The following EPM2AIP1 variants were observed in gnomAD, a reference collection of about 807,000 sequenced individuals.
EPM2AIP1 encodes EPM2A interacting protein 1, also known as EPM2A-interacting protein 1.
Under a neutral mutation model 44.8 loss-of-function variants are expected in EPM2AIP1, and 23 were observed. The ratio of observed to expected loss-of-function variants is 0.51; its 90% confidence interval spans 0.37 to 0.73. The LOEUF (loss-of-function observed/expected upper bound fraction) is 0.73. EPM2AIP1 is among the 30% of genes least tolerant of loss of function. The pLI, the probability that EPM2AIP1 is intolerant of heterozygous loss-of-function variation, is 0.00. For missense variants in EPM2AIP1, 652 were observed against 743.9 expected (o/e 0.88, Z 1.44); for synonymous variants, 311 against 284.3 (o/e 1.09, Z -0.94).
rs1198295072 is a variant in EPM2AIP1, at chr3:36,991,208, T to C, written c.*46A>G. 1 of 1,507,250 alleles carries C rather than the reference T, an allele frequency of 6.6e-7. No individual in the cohort carries two copies. Among genetic ancestry groups the C allele is most frequent in the Non-Finnish European group, 8.9e-7 (1 of 1,126,740 alleles). The allele number at this position is 1,507,250 out of a possible 1,614,324, so 93.4% of individuals were successfully genotyped here. A position where few individuals can be genotyped will look rare whatever the true frequency, so the allele number is the denominator to read the frequency against. ...GAAAACTCAAACCAATTTTTGCTTTTAGAATTAAATTCTTGTTGAGTTTTT... is the reference window on the plus strand; with the variant it reads ...GAAAACTCAAACCAATTTTTGCTTTCAGAATTAAATTCTTGTTGAGTTTTT... On this transcript the variant is annotated 3_prime_UTR_variant, in exon 1 of 1. Transcript: ENST00000322716.
rs2080768475 is a variant in EPM2AIP1 at position 36,986,235 on chromosome 3, A to G, written c.*5019T>C. ...CTGAAAGGCAGATCATCTACCCTTT[A>G]CTAAAGAAAAAGACAGAAAAACAAA... On this transcript the variant is annotated 3_prime_UTR_variant, in exon 1 of 1. Transcript: ENST00000322716. 1 of 152,232 alleles carries G rather than the reference A, an allele frequency of 6.6e-6. No homozygotes were observed. The highest frequency in any genetic ancestry group is 1.5e-5 in the Non-Finnish European group (1 of 68,046). 9.4% of individuals were successfully genotyped at this position (152,232 alleles called of 1,614,324 possible).
In EPM2AIP1 at chr3:36,992,518, T is replaced by C. The variant is rs759662609; in HGVS notation, c.560A>G (p.Tyr187Cys). Residue 187 changes from tyrosine to cysteine, a missense_variant, in exon 1 of 1, where the codon TAT becomes TGT. Physicochemically the swap from Tyr to Cys is radical, Grantham distance 194. Coordinates refer to ENST00000322716, the MANE Select transcript of EPM2AIP1 (RefSeq NM_014805.4). This position sits in a 1 kb window ranked among gnomAD's most constrained non-coding sequence, Gnocchi z 5.3. The stretch of plus-strand genomic sequence containing the variant: ...GATAAAGACCAGGAGGTAGTTCTCA[T>C]AGGCCACAAAAGCCTGGTCGTCCAA... ...LALDDQAFVA[Y>C]ENYLLVFIRG... The C allele has an allele frequency of 1.9e-5, 31 of 1,613,894 alleles. No individual in the cohort carries two copies. Among genetic ancestry groups the C allele is most frequent in the African/African-American group, 5.3e-5 (4 of 74,920 alleles).
chr3:36,991,489 G>T lies in EPM2AIP1; in HGVS notation c.1589C>A (p.Ala530Asp). 1 of 1,613,850 alleles carries T rather than the reference G, an allele frequency of 6.2e-7. No individual in the cohort carries two copies. ...TGGGTAGGATTCAGCAGACAATCCA[G>T]CATAAAACTGCCCCAAGTCTTTGAT... Reference protein sequence around the residue: ...YRIKDLGQFYAGLSAESYPII... With the variant: ...YRIKDLGQFYDGLSAESYPII... Residue 530 changes from alanine (A) to aspartate (D), a missense_variant, in exon 1 of 1, where the codon GCT becomes GAT. Ala to Asp is a moderately radical substitution (Grantham distance 126). Transcript: ENST00000322716.
rs562045547 is a variant in EPM2AIP1 at position 36,985,732 on chromosome 3, T to G, written c.*5522A>C. 2 of 152,220 alleles carry G rather than the reference T, an allele frequency of 1.3e-5. No individual in the cohort carries two copies. Among genetic ancestry groups the G allele is most frequent in the Non-Finnish European group, 2.9e-5 (2 of 68,044 alleles). 9.4% of individuals were successfully genotyped at this position (152,220 alleles called of 1,614,324 possible). A position where few individuals can be genotyped will look rare whatever the true frequency, so the allele number is the denominator to read the frequency against. On this transcript the variant is annotated 3_prime_UTR_variant, in exon 1 of 1. Coordinates refer to ENST00000322716, the MANE Select transcript of EPM2AIP1 (RefSeq NM_014805.4). ...AATGAAGGCAACTTAGAGCACAAAT[T>G]GGTGAACTTTCTCTGTAAAGGGCCA...
rs1169750009 is a variant in EPM2AIP1 at position 36,985,730 on chromosome 3, A to G, written c.*5524T>C. On this transcript the variant is annotated 3_prime_UTR_variant, in exon 1 of 1. Coordinates refer to ENST00000322716, the MANE Select transcript of EPM2AIP1 (RefSeq NM_014805.4). The stretch of plus-strand genomic sequence containing the variant: ...AGAATGAAGGCAACTTAGAGCACAA[A>G]TTGGTGAACTTTCTCTGTAAAGGGC... The G allele has an allele frequency of 1.3e-5, 2 of 152,222 alleles. No individual in the cohort carries two copies. Among genetic ancestry groups the G allele is most frequent in the Non-Finnish European group, 2.9e-5 (2 of 68,032 alleles). The allele number at this position is 152,222 out of a possible 1,614,324, so 9.4% of individuals were successfully genotyped here.
rs1317649211 is a variant in EPM2AIP1, at chr3:36,991,010, A to G, written c.*244T>C. On this transcript the variant is annotated 3_prime_UTR_variant, in exon 1 of 1. Coordinates refer to ENST00000322716, the MANE Select transcript of EPM2AIP1 (RefSeq NM_014805.4). Reference sequence around the variant, plus strand: ...AAATCTCTTTAAAATTAACTATATCATAAAAGACAATGACTTTGTCACTAA... The same window carrying G: ...AAATCTCTTTAAAATTAACTATATCGTAAAAGACAATGACTTTGTCACTAA... 8.4e-7 allele frequency: 1 copy of G among 1,192,478 alleles called. No homozygotes were observed. Among genetic ancestry groups the G allele is most frequent in the Non-Finnish European group, 1.0e-6 (1 of 960,426 alleles). 73.9% of individuals were successfully genotyped at this position (1,192,478 alleles called of 1,614,324 possible). A position where few individuals can be genotyped will look rare whatever the true frequency, so the allele number is the denominator to read the frequency against.
rs11294180 is a variant in EPM2AIP1, at chr3:36,986,781, C to CAAAAAAAAAAAAAAAAAAAAAAAAAAA, written c.*4472_*4473insTTTTTTTTTTTTTTTTTTTTTTTTTTT. 1 of 75,584 alleles carries CAAAAAAAAAAAAAAAAAAAAAAAAAAA rather than the reference C, an allele frequency of 1.3e-5. No homozygotes were observed. The highest frequency in any genetic ancestry group is 2.5e-5 in the Non-Finnish European group (1 of 39,590). The allele number at this position is 75,584 out of a possible 1,614,324, so 4.7% of individuals were successfully genotyped here. On this transcript the variant is annotated 3_prime_UTR_variant, in exon 1 of 1. Coordinates refer to ENST00000322716, the MANE Select transcript of EPM2AIP1 (RefSeq NM_014805.4). The stretch of plus-strand genomic sequence containing the variant: ...TGGGTGACAAAGTGAGACCCCGCCT[C>CAAAAAAAAAAAAAAAAAAAAAAAAAAA]AAAAAAAAAAAAAAAAAAAAAAGCC...
rs937900771 is a variant in EPM2AIP1 at position 36,987,702 on chromosome 3, T to G, written c.*3552A>C. The G allele has an allele frequency of 4.6e-5, 7 of 152,134 alleles. No individual in the cohort carries two copies. The highest frequency in any genetic ancestry group is 1.7e-4 in the African/African-American group (7 of 41,422). The allele number at this position is 152,134 out of a possible 1,614,324, so 9.4% of individuals were successfully genotyped here. A position where few individuals can be genotyped will look rare whatever the true frequency, so the allele number is the denominator to read the frequency against. ...TCACATGCTAAGCACTACACTAAAT[T>G]CTGAGAATACAACGAGGTCCCTAGT... is the stretch of plus-strand genomic sequence containing the variant. On this transcript the variant is annotated 3_prime_UTR_variant, in exon 1 of 1. Transcript: ENST00000322716.
rs1343623400 is a variant in EPM2AIP1, at chr3:36,989,020, G to A, written c.*2234C>T. ...TTTTTTTTTTTTACAAACAAGACTA[G>A]CTTATAGCAAATTCTCTATAGCTAA... On this transcript the variant is annotated 3_prime_UTR_variant, in exon 1 of 1. Coordinates refer to ENST00000322716, the MANE Select transcript of EPM2AIP1 (RefSeq NM_014805.4). 7.7e-6 allele frequency: 1 copy of A among 130,486 alleles called. No individual in the cohort carries two copies. Among genetic ancestry groups the A allele is most frequent in the Non-Finnish European group, 1.6e-5 (1 of 63,256 alleles). 8.1% of individuals were successfully genotyped at this position (130,486 alleles called of 1,614,324 possible).
In EPM2AIP1 at chr3:36,991,027, T is replaced by C; in HGVS notation, c.*227A>G. The C allele has an allele frequency of 1.6e-6, 2 of 1,229,954 alleles. No homozygotes were observed. The highest frequency in any genetic ancestry group is 3.8e-5 in the Admixed American group (1 of 26,078). 76.2% of individuals were successfully genotyped at this position (1,229,954 alleles called of 1,614,324 possible). A position where few individuals can be genotyped will look rare whatever the true frequency, so the allele number is the denominator to read the frequency against. ...ACTATATCATAAAAGACAATGACTT[T>C]GTCACTAAACTAAGTTTTAAAAAAG... On this transcript the variant is annotated 3_prime_UTR_variant, in exon 1 of 1. Coordinates refer to ENST00000322716, the MANE Select transcript of EPM2AIP1 (RefSeq NM_014805.4).
In EPM2AIP1 at chr3:36,990,608, T is replaced by C. The variant is rs958178224; in HGVS notation, c.*646A>G. 8 of 985,374 alleles carry C rather than the reference T, an allele frequency of 8.1e-6. No individual in the cohort carries two copies. Among genetic ancestry groups the C allele is most frequent in the Non-Finnish European group, 9.6e-6 (8 of 829,628 alleles). 61.0% of individuals were successfully genotyped at this position (985,374 alleles called of 1,614,324 possible). ...TCTCCAAATTGCATGAAGTCTCCTATATCTGAAACTTAAAAATGATTCTAA... is the reference window on the plus strand; with the variant it reads ...TCTCCAAATTGCATGAAGTCTCCTACATCTGAAACTTAAAAATGATTCTAA... On this transcript the variant is annotated 3_prime_UTR_variant, in exon 1 of 1. Transcript: ENST00000322716.
chr3:36,992,214 G>C lies in EPM2AIP1; in HGVS notation c.864C>G (p.Ser288Arg). The change falls in exon 1 of 1, where the codon AGC becomes AGG. Residue 288 changes from serine (S) to arginine (R), a missense_variant. Physicochemically the swap from Ser to Arg is moderately radical, Grantham distance 110. Coordinates refer to ENST00000322716, the MANE Select transcript of EPM2AIP1 (RefSeq NM_014805.4). The surrounding 1 kb of genome is among the most constrained non-coding windows in gnomAD (Gnocchi z 5.3). ...YSGFLHLELL[S>R]SYDVDVNQII... Reference sequence around the variant, plus strand: ...TCTGATTAACATCTACATCATAGGAGCTCAACAGTTCCAAGTGAAGAAATC... The same window carrying C: ...TCTGATTAACATCTACATCATAGGACCTCAACAGTTCCAAGTGAAGAAATC... 6.2e-7 allele frequency: 1 copy of C among 1,613,968 alleles called. No homozygotes were observed.
rs1394256996 is a variant in EPM2AIP1 at position 36,990,328 on chromosome 3, G to T, written c.*926C>A. The T allele has an allele frequency of 1.5e-6, 1 of 682,914 alleles. No individual in the cohort carries two copies. Among genetic ancestry groups the T allele is most frequent in the Non-Finnish European group, 1.8e-6 (1 of 554,306 alleles). The allele number at this position is 682,914 out of a possible 1,614,324, so 42.3% of individuals were successfully genotyped here. On this transcript the variant is annotated 3_prime_UTR_variant, in exon 1 of 1. Coordinates refer to ENST00000322716, the MANE Select transcript of EPM2AIP1 (RefSeq NM_014805.4). The stretch of plus-strand genomic sequence containing the variant: ...TTTAGGCAGGATTTTTTAAAATAAA[G>T]CAGCAATACCCACGCAGATAAGACA...
Position 36,989,682 on chromosome 3 carries a change from T to C in EPM2AIP1, c.*1572A>G, listed in dbSNP as rs2080791635. On this transcript the variant is annotated 3_prime_UTR_variant, in exon 1 of 1. Coordinates refer to ENST00000322716, the MANE Select transcript of EPM2AIP1 (RefSeq NM_014805.4). ...GGGCTAATTCTTCATTGTGCCAGGC[T>C]GTCCCATGCACTGCAGGGGTGAGTG... is the stretch of plus-strand genomic sequence containing the variant. 1 of 152,090 alleles carries C rather than the reference T, an allele frequency of 6.6e-6. No homozygotes were observed. The allele number at this position is 152,090 out of a possible 1,614,324, so 9.4% of individuals were successfully genotyped here. A position where few individuals can be genotyped will look rare whatever the true frequency, so the allele number is the denominator to read the frequency against.
chr3:36,991,227 A>G lies in EPM2AIP1; in HGVS notation c.*27T>C. On this transcript the variant is annotated 3_prime_UTR_variant, in exon 1 of 1. Transcript: ENST00000322716. The stretch of plus-strand genomic sequence containing the variant: ...TGCTTTTAGAATTAAATTCTTGTTG[A>G]GTTTTTCAATCTTGTACTACAAAGC... The G allele has an allele frequency of 1.3e-6, 2 of 1,517,624 alleles. No homozygotes were observed. Among genetic ancestry groups the G allele is most frequent in the Non-Finnish European group, 1.8e-6 (2 of 1,130,922 alleles). The allele number at this position is 1,517,624 out of a possible 1,614,324, so 94.0% of individuals were successfully genotyped here.
Position 36,990,496 on chromosome 3 carries a change from A to G in EPM2AIP1, c.*758T>C. The G allele has an allele frequency of 1.0e-6, 1 of 983,670 alleles. No individual in the cohort carries two copies. Among genetic ancestry groups the G allele is most frequent in the Non-Finnish European group, 1.2e-6 (1 of 828,120 alleles). The allele number at this position is 983,670 out of a possible 1,614,324, so 60.9% of individuals were successfully genotyped here. On this transcript the variant is annotated 3_prime_UTR_variant, in exon 1 of 1. Transcript: ENST00000322716. ...TGGCAACCATTAAGATTCTATACTT[A>G]CCATAGTCCTTTAATAGGCAAGCTG...
In EPM2AIP1 at chr3:36,991,728, T is replaced by A; in HGVS notation, c.1350A>T (p.Glu450Asp). The A allele has an allele frequency of 6.2e-7, 1 of 1,613,754 alleles. No individual in the cohort carries two copies. The highest frequency in any genetic ancestry group is 2.2e-5 in the East Asian group (1 of 44,872). ...VVDELKQQNK[E>D]DEKIFDPDRY... ...TATCAGGATCAAATATTTTTTCATC[T>A]TCCTTATTTTGCTGTTTTAGCTCAT... is the stretch of plus-strand genomic sequence containing the variant. The change falls in exon 1 of 1, where the codon GAA (glutamate) becomes GAT (aspartate). Residue 450 changes from glutamate (E) to aspartate (D), a missense_variant. Coordinates refer to ENST00000322716, the MANE Select transcript of EPM2AIP1 (RefSeq NM_014805.4).
At position 36,991,801 on chromosome 3, in the gene EPM2AIP1, A is replaced by G; in HGVS notation, c.1277T>C (p.Ile426Thr). The change falls in exon 1 of 1, where the codon ATT (isoleucine) becomes ACT (threonine). Residue 426 changes from isoleucine (I) to threonine (T), a missense_variant. By Grantham distance (89) the Ile-to-Thr change is moderately conservative. Transcript: ENST00000322716. The part of the protein sequence containing the change: ...EVKLNLFQRH[I>T]EEKNLTDFPA... ...AAAGTCTGTTAGATTTTTTTCCTCAATATGTCTTTGAAATAAATTCAGCTT... is the reference window on the plus strand; with the variant it reads ...AAAGTCTGTTAGATTTTTTTCCTCAGTATGTCTTTGAAATAAATTCAGCTT... 6.2e-7 allele frequency: 1 copy of G among 1,613,400 alleles called. No individual in the cohort carries two copies. Among genetic ancestry groups the G allele is most frequent in the Non-Finnish European group, 8.5e-7 (1 of 1,179,712 alleles).
In EPM2AIP1 at chr3:36,992,595, T is replaced by C. The variant is rs370122017; in HGVS notation, c.483A>G (p.Leu161=). The C allele has an allele frequency of 2.3e-5, 37 of 1,614,058 alleles. No homozygotes were observed. The highest frequency in any genetic ancestry group is 3.0e-5 in the Non-Finnish European group (35 of 1,179,906). ...TGGCTCGGTTAAAAAGCTGGTTGCG[T>C]AGATTCCTGTCAATGCTCAGGATCC... ...RQRILSIDRN[L]RNQLFNRARD... The change falls in exon 1 of 1, where the codon CTA becomes CTG. Residue 161 remains leucine, a synonymous_variant. Transcript: ENST00000322716. This position sits in a 1 kb window ranked among gnomAD's most constrained non-coding sequence, Gnocchi z 5.3.
Sources: gnomAD v4.1 joint callset for allele counts on GRCh38, gnomAD v4.1.1 for gene constraint, Gnocchi (gnomAD v3.1) non-coding constraint, MANE v1.5 for transcripts, NCBI Gene and HGNC (gene_info 2026-07-23, HGNC 2026-07-21) for gene names.